The following HPN variants were observed in gnomAD, a reference collection of about 807,000 sequenced individuals.
HPN encodes the protein serine protease hepsin.
Under a neutral mutation model 55.9 loss-of-function variants are expected in HPN, and 13 were observed. The observed-to-expected ratio is 0.23, with a 90% CI of 0.15 to 0.37. The LOEUF is 0.37. Among genes scored for constraint, HPN ranks in the 10% least tolerant of loss-of-function variants. The probability of loss-of-function intolerance (pLI) is 1.00; values close to 1 mark genes in which losing one functional copy is unlikely to be tolerated. For synonymous variants in HPN, 225 were observed against 240.3 expected (o/e 0.94, Z 0.59); for missense variants, 451 against 575.8 (o/e 0.78, Z 2.22).
At chr19:35,057,201 G>A (rs2064463651) in intron 4 of HPN, among the ~76,000 whole-genome samples, 4 of 152,288 alleles carry the variant, frequency 2.6e-5, no homozygotes, top group Middle Eastern at 6.8e-3. Context: ...AAGACAGGCA[G>A]ATCACTTGAG....
intron 4 of HPN, 83 bp downstream of exon 4, chr19:35,049,599 A>C: frequency 8.1e-7 from 1 of 1,236,470 alleles, no homozygotes; most frequent in South Asian, 1.3e-5. Flanking sequence ...GTATTTGTTG[A>C]ATAAATGCAC....
At chr19:35,059,297 C>CAAAAT (rs1220054886) in intron 4 of HPN, 5 of 360,790 alleles carry the variant, frequency 1.4e-5, no homozygotes, top group South Asian at 4.3e-5. Context: ...CCCGTCTCTA[C>CAAAAT]AAAACAAAAC....
rs1367642578 is a variant in HPN at position 35,060,796 on chromosome 19, T to G, written c.790T>G (p.Ser264Ala). Residue 264 changes from serine to alanine, a missense_variant, in exon 9 of 13, where the codon TCC (serine) becomes GCC (alanine). Physicochemically the swap from Ser to Ala is moderately conservative, Grantham distance 99. Around this residue, in one of 2 missense-constraint regions of HPN, gnomAD observed 378 missense variants for 445.5 expected, o/e 0.85. Coordinates refer to ENST00000672452, the MANE Select transcript of HPN (RefSeq NM_001384133.1). Reference sequence around the variant, plus strand: ...CAACGATATTGCCCTGGTCCACCTCTCCAGTCCCCTGCCCCTCACAGGTAA... The same window carrying G: ...CAACGATATTGCCCTGGTCCACCTCGCCAGTCCCCTGCCCCTCACAGGTAA... Reference protein sequence around the residue: ...NSNDIALVHLSSPLPLTEYIQ... With the variant: ...NSNDIALVHLASPLPLTEYIQ... The G allele has an allele frequency of 1.9e-6, 3 of 1,591,350 alleles. No homozygotes were observed. The Admixed American group carries it at 5.1e-5, about 27-fold the overall frequency.
chr19:35,040,879 G>A (rs780045699), upstream of HPN, among the ~76,000 whole-genome samples: 3 of 152,332 alleles, frequency 2.0e-5, no homozygotes, highest in Admixed American at 1.3e-4. Flanking sequence ...GGGCACAGCG[G>A]GCACGTGTGG....
At chr19:35,042,040 T>C (rs963588445) in intron 1 of HPN, 168 bp downstream of exon 1, 4 of 1,148,114 alleles carry the variant, frequency 3.5e-6, no homozygotes, top group Non-Finnish European at 4.3e-6. Flanking sequence ...CTGCTCTTCC[T>C]TCAGACTCAG....
In HPN at chr19:35,060,417, G is replaced by T. The variant is rs35890010; in HGVS notation, c.525G>T (p.Pro175=). ...GGRDTSLGRW[P]WQVSLRYDGA... is the part of the protein sequence containing the mutation. ...GGGACACCAGCTTGGGCCGGTGGCC[G>T]TGGCAAGTCAGCCTTCGCTATGATG... is the stretch of plus-strand genomic sequence containing the variant. Residue 175 remains proline, a synonymous_variant, in exon 8 of 13, where the codon CCG becomes CCT. Coordinates refer to ENST00000672452, the MANE Select transcript of HPN (RefSeq NM_001384133.1). 2 of 1,613,152 alleles carry T rather than the reference G, an allele frequency of 1.2e-6. No individual in the cohort carries two copies. Among genetic ancestry groups the T allele is most frequent in the South Asian group, 2.2e-5 (2 of 91,086 alleles).
rs574594074 is a variant in HPN, at chr19:35,042,999, T to C, written c.16+477T>C. Among the ~76,000 whole-genome samples, 3 of 152,180 alleles carry C rather than the reference T, an allele frequency of 2.0e-5. No homozygotes were observed. In the South Asian group the frequency reaches 6.2e-4, roughly 32 times the overall value. ...GATACCAGTCCTCCCTCTGTGAGGT[T>C]GCTGAGTGCATGACACACACCAGGC... On this transcript the variant is annotated intron_variant, in intron 2 of 12. Transcript: ENST00000672452.
At chr19:35,066,122 C>T (rs774410051) in intron 12 of HPN, 90 bp downstream of exon 12, 34 of 1,612,468 alleles carry the variant, frequency 2.1e-5, no homozygotes, top group African/African-American at 8.0e-5. Context: ...AGGAAACCTA[C>T]GCTCAGGCCT....
At chr19:35,055,417 G>A (rs1020798110) in intron 4 of HPN, among the ~76,000 whole-genome samples, 1 of 151,694 alleles carries the variant, frequency 6.6e-6, no homozygotes, top group Non-Finnish European at 1.5e-5. Flanking sequence ...AAAAAAAGTG[G>A]CAGGGAGAAG....
At chr19:35,062,164 G>A (rs142445075) in intron 9 of HPN, among the ~76,000 whole-genome samples, 128 of 152,240 alleles carry the variant, frequency 8.4e-4, no homozygotes, top group Middle Eastern at 3.4e-3. Context: ...TAGGCACATC[G>A]GTAGAGATAG....
At chr19:35,058,770 T>A (rs2064488348) in intron 4 of HPN, among the ~76,000 whole-genome samples, 1 of 151,786 alleles carries the variant, frequency 6.6e-6, no homozygotes, top group South Asian at 2.1e-4. Context: ...ACGTATAAAG[T>A]GAGAGGTCTT....
intron 9 of HPN, among the ~76,000 whole-genome samples, chr19:35,061,361 A>G (rs1239052087): frequency 1.3e-5 from 2 of 151,906 alleles, no homozygotes; most frequent in African/African-American, 4.8e-5. Flanking sequence ...CCTGGCCAAC[A>G]TGGTGAAACT....
At chr19:35,042,204 C>T in intron 1 of HPN, 2 of 1,272,510 alleles carry the variant, frequency 1.6e-6, no homozygotes, top group Non-Finnish European at 2.0e-6. Flanking sequence ...AACCGGGATC[C>T]TCAGTCCCCT....
At chr19:35,060,058 G>A (rs1166653478) in intron 6 of HPN, 62 bp downstream of exon 6, 8 of 1,613,842 alleles carry the variant, frequency 5.0e-6, no homozygotes, top group South Asian at 1.1e-5. Context: ...CCCTCTCCCC[G>A]TTTTCCTTCC....
At chr19:35,050,848 A>C (rs1444352954) in intron 4 of HPN, among the ~76,000 whole-genome samples, 2 of 148,368 alleles carry the variant, frequency 1.3e-5, no homozygotes, top group African/African-American at 5.0e-5. Context: ...TATGATATCA[A>C]CTCATTAAGT....
At chr19:35,047,975 G>T (rs1269824223) in intron 2 of HPN, among the ~76,000 whole-genome samples, 2 of 142,848 alleles carry the variant, frequency 1.4e-5, no homozygotes, top group African/African-American at 2.6e-5. Context: ...GGGCAGCACA[G>T]TGAAACCCTG....
chr19:35,041,689 C>CGG, upstream of HPN: 50 of 385,490 alleles, frequency 1.3e-4, no homozygotes, highest in East Asian at 2.1e-4. Flanking sequence ...CCCGCCCCTT[C>CGG]ACCCGCCCCT....
chr19:35,043,283 C>T (rs2064311774), intron 2 of HPN, among the ~76,000 whole-genome samples: 1 of 152,186 alleles, frequency 6.6e-6, no homozygotes, highest in Non-Finnish European at 1.5e-5. Context: ...CCTTGGGAGT[C>T]TCTGGGCAGC....
intron 1 of HPN, 134 bp downstream of exon 1, chr19:35,042,006 C>T (rs1409282569): frequency 1.7e-6 from 2 of 1,172,094 alleles, no homozygotes; most frequent in Non-Finnish European, 2.1e-6. Context: ...TATGACGTCC[C>T]CCCAAGCACC....
Sources: allele counts gnomAD v4.1 joint callset (sites outside exome capture counted in the v4.1 genomes callset), GRCh38; gene constraint gnomAD v4.1.1; regional missense constraint gnomAD v4.1.1; transcripts MANE v1.5; gene names NCBI Gene and HGNC (gene_info 2026-07-23, HGNC 2026-07-21).